The following SLC7A8 variants were observed in gnomAD, a reference collection of about 807,000 sequenced individuals.
SLC7A8 encodes large neutral amino acids transporter small subunit 2.
A neutral mutation model predicts 51.2 loss-of-function variants in SLC7A8; 30 were observed. The observed-to-expected ratio is 0.59, with a 90% CI of 0.44 to 0.80. The LOEUF (loss-of-function observed/expected upper bound fraction) is 0.80. Ranked by LOEUF, SLC7A8 falls within the 30% of genes least tolerant of loss-of-function variation. The pLI, the probability that SLC7A8 is intolerant of heterozygous loss-of-function variation, is 0.00. For missense variants in SLC7A8, 612 were observed against 674.4 expected, an observed-to-expected ratio of 0.91 and a Z score of 1.03; for synonymous variants, 257 against 275.8, an observed-to-expected ratio of 0.93 and a Z score of 0.67.
intron 3 of SLC7A8, among the ~76,000 whole-genome samples, chr14:23,152,249 C>T (rs910247613): frequency 1.3e-5 from 2 of 152,092 alleles, no homozygotes; most frequent in African/African-American, 2.4e-5. Context: ...CCCACCTCAG[C>T]CTCCTGAGTA....
Position 23,158,355 on chromosome 14 carries a change from T to C in SLC7A8, c.508+6930A>G, listed in dbSNP as rs540003018. On this transcript the variant is annotated intron_variant, in intron 3 of 10. Coordinates refer to ENST00000316902, the MANE Select transcript of SLC7A8 (RefSeq NM_012244.4). ...ACCCCTCGGGGCTCTAGGGAGGACA[T>C]GGAAGGCAGACATGGAGTCTAGCTC... is the stretch of plus-strand genomic sequence containing the variant. 5.3e-5 allele frequency among the ~76,000 whole-genome samples: 8 copies of C among 152,280 alleles called. No homozygotes were observed. The South Asian group carries it at 1.2e-3, about 24-fold the overall frequency.
intron 1 of SLC7A8, among the ~76,000 whole-genome samples, chr14:23,181,180 C>G (rs2140344168): frequency 6.6e-6 from 1 of 152,210 alleles, no homozygotes; most frequent in East Asian, 1.9e-4. Flanking sequence ...TTCTGTCAGT[C>G]AAATTGGTGA....
chr14:23,169,582 T>C (rs539265146), intron 1 of SLC7A8, among the ~76,000 whole-genome samples: 9 of 152,118 alleles, frequency 5.9e-5, no homozygotes, highest in African/African-American at 2.2e-4. Context: ...GATTTTTGTA[T>C]TTTTAGTAGA....
At chr14:23,176,552 C>T (rs2140341001) in intron 1 of SLC7A8, among the ~76,000 whole-genome samples, 1 of 152,250 alleles carries the variant, frequency 6.6e-6, no homozygotes. Context: ...ACTCAATTTC[C>T]CCATTTTTAA....
chr14:23,164,353 C>T (rs2048938094), intron 3 of SLC7A8, among the ~76,000 whole-genome samples: 1 of 152,226 alleles, frequency 6.6e-6, no homozygotes, highest in African/African-American at 2.4e-5. Flanking sequence ...TGGGAGTAGC[C>T]AGCACAGTGC....
At chr14:23,170,918 G>A (rs2048972522) in intron 1 of SLC7A8, among the ~76,000 whole-genome samples, 1 of 151,878 alleles carries the variant, frequency 6.6e-6, no homozygotes, top group Admixed American at 6.6e-5. Flanking sequence ...ATGGGGGGAG[G>A]GGGTCTCACT....
chr14:23,162,091 A>T (rs946204739), intron 3 of SLC7A8, among the ~76,000 whole-genome samples: 22 of 152,114 alleles, frequency 1.4e-4, no homozygotes, highest in African/African-American at 5.3e-4. Flanking sequence ...TTAAAAAAAA[A>T]AAGTATTCAA....
intron 3 of SLC7A8, chr14:23,154,356 T>A (rs2048872888): frequency 2.0e-6 from 2 of 999,856 alleles, no homozygotes; most frequent in South Asian, 4.7e-5. Context: ...GTGAGGCATG[T>A]CCCTCCCAGC....
chr14:23,179,003 C>A lies in SLC7A8; in HGVS notation c.151+3761G>T, dbSNP rs151186805. On this transcript the variant is annotated intron_variant, in intron 1 of 10. Transcript: ENST00000316902. ...GGGACTACAGGTATCCACCACCACA[C>A]CTGGCTCAATTTTTCTCATAGTTCA... Among the ~76,000 whole-genome samples, 466 of 151,992 alleles carry A rather than the reference C, an allele frequency of 3.1e-3. 1 individual carries two copies. Among genetic ancestry groups the A allele is most frequent in the Non-Finnish European group, 5.7e-3 (386 of 67,998 alleles).
At chr14:23,145,141 C>T (rs1035035277) in intron 3 of SLC7A8, among the ~76,000 whole-genome samples, 1 of 150,810 alleles carries the variant, frequency 6.6e-6, no homozygotes, top group Non-Finnish European at 1.5e-5. Flanking sequence ...AGAATGGTCT[C>T]GATCTCCTGA....
chr14:23,134,407 A>G (rs2048668563), intron 7 of SLC7A8, among the ~76,000 whole-genome samples: 1 of 131,448 alleles, frequency 7.6e-6, no homozygotes, highest in Non-Finnish European at 1.6e-5. Context: ...ACTGCACTCC[A>G]GCCTGGGTGA....
intron 6 of SLC7A8, among the ~76,000 whole-genome samples, chr14:23,138,838 C>G (rs558401344): frequency 1.3e-5 from 2 of 152,152 alleles, no homozygotes; most frequent in African/African-American, 4.8e-5. Flanking sequence ...TCTTTACAGT[C>G]TTTTGAGATA....
chr14:23,147,985 G>C (rs12588118), intron 3 of SLC7A8, among the ~76,000 whole-genome samples: 122,545 of 152,088 alleles, frequency 0.81, 49,538 homozygotes, highest in East Asian at 0.91. Context: ...CACTGTGGAG[G>C]GCTGGGTTCC....
At chr14:23,150,746 G>A (rs551979051) in intron 3 of SLC7A8, among the ~76,000 whole-genome samples, 13 of 152,202 alleles carry the variant, frequency 8.5e-5, no homozygotes, top group African/African-American at 3.1e-4. Context: ...AGGCAAAGCA[G>A]AGTGGCGGGG....
intron 3 of SLC7A8, among the ~76,000 whole-genome samples, chr14:23,146,347 A>T (rs920398630): frequency 6.6e-6 from 1 of 152,190 alleles, no homozygotes; most frequent in Non-Finnish European, 1.5e-5. Context: ...GAGGAAAATA[A>T]GGGCAGAGCA....
chr14:23,163,293 G>T (rs991272159), intron 3 of SLC7A8, among the ~76,000 whole-genome samples: 1 of 152,162 alleles, frequency 6.6e-6, no homozygotes, highest in Non-Finnish European at 1.5e-5. Flanking sequence ...TCACAGTAGG[G>T]TGGACGAGTG....
At chr14:23,143,347 G>A in intron 3 of SLC7A8, 143 bp from the exon 4 acceptor site, 4 of 1,162,354 alleles carry the variant, frequency 3.4e-6, no homozygotes, top group Non-Finnish European at 4.8e-6. Context: ...CAACCCCAGG[G>A]ACCAGAGACT....
Position 23,137,995 on chromosome 14 carries a change from C to T in SLC7A8, c.942G>A (p.Met314Ile). 6.2e-7 allele frequency: 1 copy of T among 1,613,982 alleles called. No individual in the cohort carries two copies. The highest frequency in any genetic ancestry group is 8.5e-7 in the Non-Finnish European group (1 of 1,179,988). Residue 314 changes from methionine (M) to isoleucine (I), a missense_variant, in exon 7 of 11, where the codon ATG becomes ATA. Transcript: ENST00000316902. ...CAACAGAAATGGGCATGATCCAGGC[C>T]ATGACTCCTAGGAGCTTCTCTCCAA... Reference protein sequence around the residue: ...VTFGEKLLGVMAWIMPISVAL... With the variant: ...VTFGEKLLGVIAWIMPISVAL...
At chr14:23,152,087 G>C (rs1402638347) in intron 3 of SLC7A8, among the ~76,000 whole-genome samples, 2 of 151,950 alleles carry the variant, frequency 1.3e-5, no homozygotes, top group African/African-American at 4.8e-5. Context: ...GAAAAAAAAA[G>C]CTCACTAAGA....
Sources: gnomAD v4.1 joint callset for allele counts (sites outside exome capture counted in the v4.1 genomes callset) on GRCh38, gnomAD v4.1.1 for gene constraint, MANE v1.5 for transcripts, NCBI Gene and HGNC (gene_info 2026-07-23, HGNC 2026-07-21) for gene names.